IPO11: variants seen among roughly 807,000 people sequenced by gnomAD.
The protein encoded by IPO11 is importin-11.
Under a neutral mutation model 143.2 loss-of-function variants are expected in IPO11, and 66 were observed. The observed-to-expected ratio is 0.46, with a 90% CI of 0.38 to 0.57. The LOEUF is 0.57. IPO11 is among the 20% of genes least tolerant of loss of function. The probability of loss-of-function intolerance (pLI) is 0.00; values close to 1 mark genes in which losing one functional copy is unlikely to be tolerated. For synonymous variants in IPO11, 385 were observed against 377.8 expected (o/e 1.02, Z -0.22); for missense variants, 1,026 against 1,141.0 (o/e 0.90, Z 1.45).
intron 29 of IPO11, among the ~76,000 whole-genome samples, chr5:62,617,508 T>G (rs1746184527): frequency 6.6e-6 from 1 of 152,224 alleles, no homozygotes; most frequent in Admixed American, 6.5e-5. Flanking sequence ...TATTTTCTAA[T>G]TTAGTAACAT....
Position 62,610,546 on chromosome 5 carries a change from C to T in IPO11, c.2763+8698C>T, listed in dbSNP as rs551764624. On this transcript the variant is annotated intron_variant, in intron 29 of 29. Transcript: ENST00000325324. ...TGCACCAAATTTGGTTATCATAAGG[C>T]CCAGTTTATAAAAATGTGTGCAAAT... is the stretch of plus-strand genomic sequence containing the variant. Among the ~76,000 whole-genome samples, 12 of 152,190 alleles carry T rather than the reference C, an allele frequency of 7.9e-5. No homozygotes were observed. In the South Asian group the frequency reaches 8.3e-4, roughly 11 times the overall value.
Position 62,530,690 on chromosome 5 carries a change from A to G in IPO11, c.2013-19A>G. 1 of 1,568,080 alleles carries G rather than the reference A, an allele frequency of 6.4e-7. No homozygotes were observed. Among genetic ancestry groups the G allele is most frequent in the Non-Finnish European group, 8.8e-7 (1 of 1,139,184 alleles). On this transcript the variant is annotated intron_variant, in intron 21 of 29. Coordinates refer to ENST00000325324, the MANE Select transcript of IPO11 (RefSeq NM_016338.5). ...AATGGGCATGGAAAGTGGTTTAATC[A>G]TCTGTTTTTCCTTCCTAGGTTAGTA...
intron 16 of IPO11, among the ~76,000 whole-genome samples, chr5:62,503,445 C>A (rs193287672): frequency 1.7e-4 from 22 of 129,400 alleles, no homozygotes; most frequent in African/African-American, 5.5e-4. Flanking sequence ...TTAATAGATT[C>A]TATTAATAGT....
At chr5:62,554,963 C>T (rs1743521398) in intron 26 of IPO11, among the ~76,000 whole-genome samples, 1 of 152,228 alleles carries the variant, frequency 6.6e-6, no homozygotes, top group Admixed American at 6.5e-5. Flanking sequence ...GATCCACCTG[C>T]ACTGGACTCC....
intron 29 of IPO11, among the ~76,000 whole-genome samples, chr5:62,603,396 A>T (rs1291576528): frequency 1.3e-5 from 2 of 152,216 alleles, no homozygotes; most frequent in African/African-American, 2.4e-5. Flanking sequence ...AAACGAACAA[A>T]TCTGGCGAGC....
In IPO11 at chr5:62,581,431, AAT is replaced by A. The variant is rs768879253; in HGVS notation, c.2583-10143_2583-10142del. Reference sequence around the variant, plus strand: ...AATTATATGAGGTTAGCATTATTAAAATATGTTTTTAATAATTTGTGAACAGT... The same window carrying A: ...AATTATATGAGGTTAGCATTATTAAAATGTTTTTAATAATTTGTGAACAGT... On this transcript the variant is annotated intron_variant, in intron 27 of 29. Transcript: ENST00000325324. The A allele has an allele frequency of 6.4e-4, 508 of 798,104 alleles. 2 individuals are homozygous for A. The highest frequency in any genetic ancestry group is 3.3e-4 in the East Asian group (11 of 33,554). 49.4% of individuals were successfully genotyped at this position (798,104 alleles called of 1,614,324 possible).
chr5:62,454,147 A>C (rs1431958582), intron 5 of IPO11, among the ~76,000 whole-genome samples: 1 of 152,200 alleles, frequency 6.6e-6, no homozygotes, highest in Non-Finnish European at 1.5e-5. Context: ...ATAAAAAATA[A>C]ATAAATAAAT....
At chr5:62,468,712 AAG>A (rs1371126840) in intron 6 of IPO11, among the ~76,000 whole-genome samples, 3 of 152,214 alleles carry the variant, frequency 2.0e-5, no homozygotes, top group African/African-American at 7.2e-5. Flanking sequence ...CCTGACGAAA[AAG>A]ATGTAGCTTT....
In IPO11 at chr5:62,470,356, C is replaced by T. The variant is rs200022384; in HGVS notation, c.708+48C>T. 32 of 1,514,790 alleles carry T rather than the reference C, an allele frequency of 2.1e-5. 1 individual carries two copies. The East Asian group carries it at 2.7e-4, about 13-fold the overall frequency. The allele number at this position is 1,514,790 out of a possible 1,614,324, so 93.8% of individuals were successfully genotyped here. On this transcript the variant is annotated intron_variant, in intron 7 of 29. Coordinates refer to ENST00000325324, the MANE Select transcript of IPO11 (RefSeq NM_016338.5). Reference sequence around the variant, plus strand: ...TGTGACTTTGGGAAAGTGGTATTTTCCTGAATGTTTGAAAGAGTGCTCTTT... The same window carrying T: ...TGTGACTTTGGGAAAGTGGTATTTTTCTGAATGTTTGAAAGAGTGCTCTTT...
intron 29 of IPO11, among the ~76,000 whole-genome samples, chr5:62,608,872 G>A (rs902127870): frequency 7.9e-5 from 12 of 152,164 alleles, no homozygotes; most frequent in East Asian, 1.9e-4. Flanking sequence ...AGTATCATAC[G>A]TAAGAGTTTC....
chr5:62,449,308 A>G lies in IPO11; in HGVS notation c.240-619A>G, dbSNP rs548541918. On this transcript the variant is annotated intron_variant, in intron 3 of 29. Transcript: ENST00000325324. ...CAGTAGCTTTCTATTTTCCTTTCTC[A>G]TACGCAGTCAAAATTATTAGTATTG... Among the ~76,000 whole-genome samples the G allele has an allele frequency of 1.5e-4, 23 of 152,302 alleles. No homozygotes were observed. The South Asian group carries it at 4.6e-3, about 30-fold the overall frequency.
intron 24 of IPO11, among the ~76,000 whole-genome samples, chr5:62,541,371 CAA>C (rs368334894): frequency 2.2e-4 from 26 of 115,930 alleles, no homozygotes; most frequent in Admixed American, 2.8e-4. Context: ...AACGCTGTCT[CAA>C]AAAAAAAAAA....
rs1478319937 is a variant in IPO11, at chr5:62,627,300, G to T, written c.2910G>T (p.Glu970Asp). The T allele has an allele frequency of 1.2e-6, 2 of 1,613,720 alleles. No homozygotes were observed. Among genetic ancestry groups the T allele is most frequent in the South Asian group, 2.2e-5 (2 of 90,982 alleles). The change falls in exon 30 of 30, where the codon GAG (glutamate) becomes GAT (aspartate). Residue 970 changes from glutamate (E) to aspartate (D), a missense_variant. This residue lies in a region of IPO11 where 351 missense variants were observed against 358.9 expected (regional missense o/e 0.98). Coordinates refer to ENST00000325324, the MANE Select transcript of IPO11 (RefSeq NM_016338.5). Reference sequence around the variant, plus strand: ...CGGAGATTGTCACCCAGCTACAGGAGTTTTTGCAAGGATTCTAAGAGCACA... The same window carrying T: ...CGGAGATTGTCACCCAGCTACAGGATTTTTTGCAAGGATTCTAAGAGCACA... ...VDTEIVTQLQ[E>D]FLQGF
At chr5:62,625,112 A>G (rs1379040930) in intron 29 of IPO11, among the ~76,000 whole-genome samples, 1 of 152,186 alleles carries the variant, frequency 6.6e-6, no homozygotes, top group South Asian at 2.1e-4. Context: ...GACATATGCC[A>G]CATAACAAGG....
intron 27 of IPO11, chr5:62,581,201 C>A (rs1217115922): frequency 1.3e-6 from 2 of 1,550,906 alleles, no homozygotes; most frequent in Admixed American, 2.0e-5. Flanking sequence ...TGTAACACTT[C>A]CCCAAATTCT....
chr5:62,550,734 T>G (rs1380907209), intron 25 of IPO11, among the ~76,000 whole-genome samples: 1 of 152,172 alleles, frequency 6.6e-6, no homozygotes, highest in Non-Finnish European at 1.5e-5. Context: ...TTCCAATGCT[T>G]GACTACTAAG....
At chr5:62,572,581 A>T (rs1744172352) in intron 27 of IPO11, among the ~76,000 whole-genome samples, 1 of 132,294 alleles carries the variant, frequency 7.6e-6, no homozygotes, top group African/African-American at 2.9e-5. Flanking sequence ...TTATTTATTT[A>T]TTTATTTTTG....
intron 27 of IPO11, among the ~76,000 whole-genome samples, chr5:62,562,461 C>T (rs1743804311): frequency 6.6e-6 from 1 of 152,202 alleles, no homozygotes; most frequent in Middle Eastern, 3.2e-3. Context: ...GCATTAGATT[C>T]TCACAAGCAG....
chr5:62,494,240 T>A, intron 16 of IPO11, 116 bp downstream of exon 16: 1 of 777,510 alleles, frequency 1.3e-6, no homozygotes, highest in Non-Finnish European at 1.9e-6. Flanking sequence ...TTCACTGCAC[T>A]AGTTATTCCT....
Sources: allele counts gnomAD v4.1 joint callset (sites outside exome capture counted in the v4.1 genomes callset), GRCh38; gene constraint gnomAD v4.1.1; regional missense constraint gnomAD v4.1.1; transcripts MANE v1.5; gene names NCBI Gene and HGNC (gene_info 2026-07-23, HGNC 2026-07-21).